The following ZNF710 variants were observed in gnomAD, a reference collection of about 807,000 sequenced individuals.
ZNF710 encodes the protein zinc finger protein 710.
ZNF710 carries 13 observed loss-of-function variants against 50.6 expected under a neutral mutation model. That is an observed-to-expected ratio of 0.26 (90% CI 0.17 to 0.41). The LOEUF (loss-of-function observed/expected upper bound fraction) is 0.41, where lower values mean the gene tolerates loss of function less well. ZNF710 is among the 10% of genes least tolerant of loss of function. The pLI, the probability that ZNF710 is intolerant of heterozygous loss-of-function variation, is 1.00. For missense variants in ZNF710, 721 were observed against 936.6 expected, an observed-to-expected ratio of 0.77 and a Z score of 3.01; for synonymous variants, 383 against 397.0, an observed-to-expected ratio of 0.96 and a Z score of 0.42.
At chr15:90,079,578 A>C (rs1900672272) in intron 4 of ZNF710, 82 bp from the exon 5 acceptor site, 11 of 1,537,282 alleles carry the variant, frequency 7.2e-6, no homozygotes, top group Non-Finnish European at 9.7e-6. Context: ...TCTCTTTAGA[A>C]AGGCCATCAG....
chr15:90,038,180 G>C (rs1365999302), intron 1 of ZNF710, among the ~76,000 whole-genome samples: 3 of 152,208 alleles, frequency 2.0e-5, no homozygotes, highest in Non-Finnish European at 1.5e-5. Context: ...CAGGAGCACT[G>C]TAGCAGGCCC....
intron 1 of ZNF710, among the ~76,000 whole-genome samples, chr15:90,008,443 T>TATATATATATACATATATATATATAC (rs1567218418): frequency 1.4e-5 from 2 of 140,530 alleles, no homozygotes; most frequent in African/African-American, 5.8e-5. Context: ...TATATATACA[T>TATATATATATACATATATATATATAC]ATATATATAT....
intron 1 of ZNF710, among the ~76,000 whole-genome samples, chr15:90,033,989 G>A (rs1389207174): frequency 6.6e-6 from 1 of 152,140 alleles, no homozygotes; most frequent in Non-Finnish European, 1.5e-5. Flanking sequence ...ATCACTTGAG[G>A]TCAGGAGTTC....
At chr15:90,060,858 A>AAAAT (rs567878832) in intron 1 of ZNF710, among the ~76,000 whole-genome samples, 60 of 152,300 alleles carry the variant, frequency 3.9e-4, no homozygotes, top group African/African-American at 1.1e-3. Context: ...ACTGTCTCAA[A>AAAAT]AAATAAATAA....
At chr15:90,014,493 A>G (rs2151467322) in intron 1 of ZNF710, among the ~76,000 whole-genome samples, 1 of 151,262 alleles carries the variant, frequency 6.6e-6, no homozygotes, top group East Asian at 1.9e-4. Flanking sequence ...TCTGGGAAAC[A>G]TAGTGAGACC....
intron 3 of ZNF710, 59 bp downstream of exon 3, chr15:90,073,321 T>C: frequency 1.3e-6 from 2 of 1,561,964 alleles, no homozygotes; most frequent in East Asian, 2.3e-5. Flanking sequence ...GGAATCAGCA[T>C]GCCTGCAGCA....
chr15:90,030,372 C>G (rs1037753143), intron 1 of ZNF710, among the ~76,000 whole-genome samples: 1 of 145,646 alleles, frequency 6.9e-6, no homozygotes. Context: ...TAGCTATCAG[C>G]TCCATTTTAT....
chr15:90,031,027 AG>A (rs1567226812), intron 1 of ZNF710, among the ~76,000 whole-genome samples: 3 of 150,116 alleles, frequency 2.0e-5, no homozygotes, highest in Non-Finnish European at 4.4e-5. Context: ...TCAAAAAAAA[AG>A]AAAAAAAAAA....
Position 90,042,354 on chromosome 15 carries a change from C to G in ZNF710, c.-28-24756C>G, listed in dbSNP as rs115037306. 5.1e-4 allele frequency among the ~76,000 whole-genome samples: 77 copies of G among 152,068 alleles called. 1 individual carries two copies. The South Asian group carries it at 0.01, about 20-fold the overall frequency. ...TCCCTGATCCATTGTGTCTCCCCCC[C>G]ACCCCCTCCAGGCAGCATTAGGTTG... On this transcript the variant is annotated intron_variant, in intron 1 of 4. Transcript: ENST00000268154.
At chr15:90,056,383 C>T (rs1050963553) in intron 1 of ZNF710, among the ~76,000 whole-genome samples, 5 of 152,118 alleles carry the variant, frequency 3.3e-5, no homozygotes, top group Non-Finnish European at 5.9e-5. Context: ...CATTGCACTC[C>T]AGCCTAGGCA....
At position 90,078,079 on chromosome 15, in the gene ZNF710, C is replaced by T. The variant is rs571078181; in HGVS notation, c.1826-1581C>T. ...AAAAAAAATTAGCCGGGTATGGTGG[C>T]GCATGCCTGTAATCTCAGCTACTTG... On this transcript the variant is annotated intron_variant, in intron 4 of 4. Transcript: ENST00000268154. Among the ~76,000 whole-genome samples the T allele has an allele frequency of 4.6e-5, 7 of 151,980 alleles. No individual in the cohort carries two copies. In the South Asian group the frequency reaches 6.2e-4, roughly 14 times the overall value.
intron 1 of ZNF710, among the ~76,000 whole-genome samples, chr15:90,006,427 G>C (rs1222760265): frequency 6.6e-6 from 1 of 152,218 alleles, no homozygotes. Flanking sequence ...GACCACAGCA[G>C]CTCCTCATTC....
chr15:90,073,272 C>A lies in ZNF710; in HGVS notation c.1650+10C>A. 6.2e-7 allele frequency: 1 copy of A among 1,608,734 alleles called. No individual in the cohort carries two copies. Among genetic ancestry groups the A allele is most frequent in the South Asian group, 1.1e-5 (1 of 90,898 alleles). On this transcript the variant is annotated intron_variant, in intron 3 of 4. Coordinates refer to ENST00000268154, the MANE Select transcript of ZNF710 (RefSeq NM_198526.4). ...GCCATTCAAATGCAAGGTACCCGGT[C>A]ATCAGGCCCCGGGGCTGGGACCTCC...
At chr15:90,000,347 G>C (rs1485002477), upstream of ZNF710, among the ~76,000 whole-genome samples, 1 of 152,172 alleles carries the variant, frequency 6.6e-6, no homozygotes, top group Non-Finnish European at 1.5e-5. Flanking sequence ...TGGAGGCCTG[G>C]TGTCCGGCCT....
chr15:90,018,556 T>G (rs1235274028), intron 1 of ZNF710, among the ~76,000 whole-genome samples: 1 of 152,202 alleles, frequency 6.6e-6, no homozygotes, highest in Non-Finnish European at 1.5e-5. Flanking sequence ...TTTTTTCGCC[T>G]CCTCTTTGAA....
intron 1 of ZNF710, among the ~76,000 whole-genome samples, chr15:90,009,939 G>A (rs1415677544): frequency 6.6e-6 from 1 of 152,096 alleles, no homozygotes; most frequent in Non-Finnish European, 1.5e-5. Context: ...GGCCCATCTT[G>A]TGACTTCCTC....
chr15:90,034,049 A>C lies in ZNF710; in HGVS notation c.-29+32435A>C, dbSNP rs958538043. 6.6e-6 allele frequency among the ~76,000 whole-genome samples: 1 copy of C among 152,100 alleles called. No individual in the cohort carries two copies. Among genetic ancestry groups the C allele is most frequent in the East Asian group, 1.9e-4 (1 of 5,186 alleles). ...AAACCCTGTCTTTACTAAAAGTACA[A>C]AAATTAGCTGGGCGTGGTAGCAGCT... On this transcript the variant is annotated intron_variant, in intron 1 of 4. Transcript: ENST00000268154. The surrounding 1 kb of genome is among the most constrained non-coding windows in gnomAD (Gnocchi z 4.0).
At chr15:90,042,636 A>T (rs1005914072) in intron 1 of ZNF710, among the ~76,000 whole-genome samples, 2 of 152,078 alleles carry the variant, frequency 1.3e-5, no homozygotes, top group Non-Finnish European at 2.9e-5. Flanking sequence ...TTTCGTCATG[A>T]CTCGCTAGGT....
In ZNF710 at chr15:90,080,145, G is replaced by T; in HGVS notation, c.*316G>T. 1 of 256,518 alleles carries T rather than the reference G, an allele frequency of 3.9e-6. No homozygotes were observed. The highest frequency in any genetic ancestry group is 7.3e-6 in the Non-Finnish European group (1 of 136,614). 15.9% of individuals were successfully genotyped at this position (256,518 alleles called of 1,614,324 possible). ...GGGCCACTGGGGACAGGTCACAAGG[G>T]CACCGGCCCTCGGGGTCTCTCCAGG... On this transcript the variant is annotated 3_prime_UTR_variant, in exon 5 of 5. Coordinates refer to ENST00000268154, the MANE Select transcript of ZNF710 (RefSeq NM_198526.4).
Sources: allele counts gnomAD v4.1 joint callset (sites outside exome capture counted in the v4.1 genomes callset), GRCh38; gene constraint gnomAD v4.1.1; non-coding constraint Gnocchi (gnomAD v3.1); transcripts MANE v1.5; gene names NCBI Gene and HGNC (gene_info 2026-07-23, HGNC 2026-07-21).